GRK5: variants seen among roughly 807,000 people sequenced by gnomAD.
GRK5 encodes the protein G protein-coupled receptor kinase 5.
Under a neutral mutation model 78.4 loss-of-function variants are expected in GRK5, and 40 were observed. The observed-to-expected ratio is 0.51, with a 90% confidence interval of 0.40 to 0.66. The LOEUF (loss-of-function observed/expected upper bound fraction) is 0.66. Ranked by LOEUF, GRK5 falls within the 30% of genes least tolerant of loss-of-function variation. The probability of loss-of-function intolerance (pLI) is 0.00; values close to 1 mark genes in which losing one functional copy is unlikely to be tolerated. For missense variants in GRK5, 598 were observed against 759.9 expected (o/e 0.79, Z 2.50); for synonymous variants, 289 against 296.8 (o/e 0.97, Z 0.27).
At chr10:119,451,570 C>T (rs58676267) in intron 13 of GRK5, among the ~76,000 whole-genome samples, 1,943 of 152,304 alleles carry the variant, frequency 0.013, 36 homozygotes, top group African/African-American at 0.045. Context: ...GCTAAAAGTC[C>T]GCTGAGTTCC....
intron 4 of GRK5, among the ~76,000 whole-genome samples, chr10:119,415,097 A>AG (rs1161634996): frequency 3.3e-4 from 47 of 144,508 alleles, no homozygotes; most frequent in Non-Finnish European, 6.1e-4. Context: ...AAAAAAAAAA[A>AG]AAAAAAGAAA....
rs1343130003 is a variant in GRK5, at chr10:119,260,983, C to T, written c.52+53014C>T. On this transcript the variant is annotated intron_variant, in intron 1 of 15. Coordinates refer to ENST00000392870, the MANE Select transcript of GRK5 (RefSeq NM_005308.3). ...CTCCTCACTTCCCAGTAGGGGCGGC[C>T]GGGCAGAGGCACCCCTCACCTCCCG... Among the ~76,000 whole-genome samples, 363 of 144,552 alleles carry T rather than the reference C, an allele frequency of 2.5e-3. 2 individuals carry two copies. The highest frequency in any genetic ancestry group is 9.1e-3 in the African/African-American group (354 of 39,068). The allele number at this position is 144,552 out of a possible 152,430, so 94.8% of individuals were successfully genotyped here.
intron 1 of GRK5, among the ~76,000 whole-genome samples, chr10:119,293,025 G>A (rs973708254): frequency 1.3e-5 from 2 of 152,134 alleles, no homozygotes; most frequent in African/African-American, 4.8e-5. Flanking sequence ...GCATTTGGTG[G>A]CTTCATCTCC....
chr10:119,393,117 A>G (rs1851913377), intron 3 of GRK5, among the ~76,000 whole-genome samples: 1 of 152,222 alleles, frequency 6.6e-6, no homozygotes, highest in African/African-American at 2.4e-5. Flanking sequence ...TCAGGGGGCC[A>G]CTGTGGAGAC....
At chr10:119,405,292 G>A (rs956073178) in intron 4 of GRK5, among the ~76,000 whole-genome samples, 18 of 152,240 alleles carry the variant, frequency 1.2e-4, no homozygotes, top group Admixed American at 1.0e-3. Context: ...CTCTTAGAGC[G>A]CATTTCTTGC....
chr10:119,219,078 C>T (rs1478186615), intron 1 of GRK5, among the ~76,000 whole-genome samples: 2 of 151,908 alleles, frequency 1.3e-5, no homozygotes, highest in South Asian at 2.1e-4. Context: ...TAGTAGAGAG[C>T]GGGTTTCACC....
chr10:119,452,686 T>C lies in GRK5; in HGVS notation c.1420T>C (p.Cys474Arg). Residue 474 changes from cysteine to arginine, a missense_variant, in exon 14 of 16, where the codon TGT becomes CGT. By Grantham distance (180) the Cys-to-Arg change is radical. Coordinates refer to ENST00000392870, the MANE Select transcript of GRK5 (RefSeq NM_005308.3). This position sits in a 1 kb window ranked among gnomAD's most constrained non-coding sequence, Gnocchi z 4.4. ...CCCCTGGCAGCCCCGCGCTGTGTAC[T>C]GTAAGGACGTGCTGGACATCGAGCA... ...PFVPDPRAVY[C>R]KDVLDIEQFS... The C allele has an allele frequency of 1.2e-6, 2 of 1,614,106 alleles. No homozygotes were observed. The highest frequency in any genetic ancestry group is 8.5e-7 in the Non-Finnish European group (1 of 1,180,030).
At chr10:119,251,275 T>G (rs1408192808) in intron 1 of GRK5, among the ~76,000 whole-genome samples, 2 of 152,228 alleles carry the variant, frequency 1.3e-5, no homozygotes, top group Non-Finnish European at 2.9e-5. Flanking sequence ...GATTTCCTGA[T>G]TAAAACCATG....
At chr10:119,351,959 G>T (rs1412795253) in intron 2 of GRK5, among the ~76,000 whole-genome samples, 1 of 152,168 alleles carries the variant, frequency 6.6e-6, no homozygotes, top group East Asian at 1.9e-4. Flanking sequence ...ATGCTATATG[G>T]CAATTGATCA....
At chr10:119,315,222 A>G (rs1850466356) in intron 1 of GRK5, among the ~76,000 whole-genome samples, 1 of 152,186 alleles carries the variant, frequency 6.6e-6, no homozygotes, top group South Asian at 2.1e-4. Context: ...GGTTGGAGAA[A>G]GTACCCTACA....
At chr10:119,262,496 A>T (rs1381021680) in intron 1 of GRK5, among the ~76,000 whole-genome samples, 2 of 151,248 alleles carry the variant, frequency 1.3e-5, no homozygotes, top group Non-Finnish European at 2.9e-5. Flanking sequence ...GCGCCACCAC[A>T]CCCAGCTAAT....
At chr10:119,327,926 T>C (rs1050251212) in intron 2 of GRK5, among the ~76,000 whole-genome samples, 42 of 152,270 alleles carry the variant, frequency 2.8e-4, no homozygotes, top group Non-Finnish European at 5.0e-4. Flanking sequence ...GCCTGAGGGA[T>C]TGGGGGCTCT....
Position 119,430,567 on chromosome 10 carries a change from G to C in GRK5, c.597+129G>C, listed in dbSNP as rs967220395. 1 of 717,874 alleles carries C rather than the reference G, an allele frequency of 1.4e-6. No homozygotes were observed. The highest frequency in any genetic ancestry group is 2.3e-6 in the Non-Finnish European group (1 of 426,490). 44.5% of individuals were successfully genotyped at this position (717,874 alleles called of 1,614,324 possible). A position where few individuals can be genotyped will look rare whatever the true frequency, so the allele number is the denominator to read the frequency against. On this transcript the variant is annotated intron_variant, in intron 7 of 15. Transcript: ENST00000392870. This position sits in a 1 kb window ranked among gnomAD's most constrained non-coding sequence, Gnocchi z 4.5. ...GCACCAGTGGCTCAATGTGGGCCCC[G>C]GGGGCAGTGAGGGTGGGAGAGAGTC...
At chr10:119,224,742 A>C (rs2133715081) in intron 1 of GRK5, among the ~76,000 whole-genome samples, 1 of 152,278 alleles carries the variant, frequency 6.6e-6, no homozygotes, top group Non-Finnish European at 1.5e-5. Context: ...TTTTCGAGGT[A>C]ATATGGTATC....
chr10:119,366,583 C>T (rs1299607637), intron 2 of GRK5, among the ~76,000 whole-genome samples: 1 of 152,144 alleles, frequency 6.6e-6, no homozygotes, highest in Non-Finnish European at 1.5e-5. Context: ...TTCTCCTGGC[C>T]CAGCCACTAG....
rs151124754 is a variant in GRK5 at position 119,351,499 on chromosome 10, C to T, written c.148+24888C>T. On this transcript the variant is annotated intron_variant, in intron 2 of 15. Transcript: ENST00000392870. The stretch of plus-strand genomic sequence containing the variant: ...TTGGCTCTCATTCTCTCTTGCCGGC[C>T]GCCATGTAAGATGTGCCTTTCCTCT... Among the ~76,000 whole-genome samples, 796 of 152,188 alleles carry T rather than the reference C, an allele frequency of 5.2e-3. 2 individuals are homozygous for T. Among genetic ancestry groups the T allele is most frequent in the African/African-American group, 0.015 (610 of 41,508 alleles).
chr10:119,455,096 G>A lies in GRK5; in HGVS notation c.*29G>A. 6 of 1,513,408 alleles carry A rather than the reference G, an allele frequency of 4.0e-6. No individual in the cohort carries two copies. The highest frequency in any genetic ancestry group is 5.5e-6 in the Non-Finnish European group (6 of 1,088,446). The allele number at this position is 1,513,408 out of a possible 1,614,324, so 93.7% of individuals were successfully genotyped here. The stretch of plus-strand genomic sequence containing the variant: ...CGGCTCTGGCCTCCAAGTCCACAGT[G>A]GAACCAGCCCAGACCCTTCTCCTTA... On this transcript the variant is annotated 3_prime_UTR_variant, in exon 16 of 16. Transcript: ENST00000392870.
At chr10:119,442,821 G>A (rs1853064756) in intron 11 of GRK5, among the ~76,000 whole-genome samples, 1 of 152,206 alleles carries the variant, frequency 6.6e-6, no homozygotes, top group African/African-American at 2.4e-5. Flanking sequence ...CCTGTGGAGT[G>A]TGTGTCTGTG....
At chr10:119,305,993 C>T (rs1295710290) in intron 1 of GRK5, among the ~76,000 whole-genome samples, 4 of 152,190 alleles carry the variant, frequency 2.6e-5, no homozygotes, top group Non-Finnish European at 4.4e-5. Flanking sequence ...TCAGCCACCC[C>T]TGAGACCATG....
Sources: gnomAD v4.1 joint callset for allele counts (sites outside exome capture counted in the v4.1 genomes callset) on GRCh38, gnomAD v4.1.1 for gene constraint, Gnocchi (gnomAD v3.1) non-coding constraint, MANE v1.5 for transcripts, NCBI Gene and HGNC (gene_info 2026-07-23, HGNC 2026-07-21) for gene names.